Variants in ABR observed in about 807,000 individuals in gnomAD.
ABR encodes the protein active breakpoint cluster region-related protein.
Under a neutral mutation model 107.2 loss-of-function variants are expected in ABR, and 35 were observed. That is an observed-to-expected ratio of 0.33 (90% CI 0.25 to 0.43). The LOEUF (loss-of-function observed/expected upper bound fraction) is 0.43, where lower values mean the gene tolerates loss of function less well. ABR is among the 20% of genes least tolerant of loss of function. ABR has a pLI of 1.00. For missense variants in ABR, 815 were observed against 1,115.2 expected (o/e 0.73, Z 3.83); for synonymous variants, 498 against 462.0 (o/e 1.08, Z -1.00).
intron 2 of ABR, among the ~76,000 whole-genome samples, chr17:1,106,527 C>CTTTTTTTTTTTTT (rs540643214): frequency 9.7e-6 from 1 of 102,586 alleles, no homozygotes; most frequent in Non-Finnish European, 1.8e-5. Context: ...TTCTCACAGT[C>CTTTTTTTTTTTTT]TTTTTTTTTT....
chr17:1,228,427 G>A (rs979809834), intron 1 of ABR: 1 of 152,438 alleles, frequency 6.6e-6, no homozygotes, highest in African/African-American at 2.4e-5. Flanking sequence ...TGCAGAGAGG[G>A]GTGACAGACA....
intron 16 of ABR, among the ~76,000 whole-genome samples, chr17:1,034,302 G>C (rs1238063506): frequency 6.6e-6 from 1 of 152,120 alleles, no homozygotes; most frequent in Non-Finnish European, 1.5e-5. Flanking sequence ...CTGCGTGCCC[G>C]ACCCTGGGGT....
chr17:1,073,284 A>C (rs1388113046), intron 7 of ABR, among the ~76,000 whole-genome samples: 2 of 151,290 alleles, frequency 1.3e-5, no homozygotes, highest in African/African-American at 2.4e-5. Flanking sequence ...CCCAGTGTGG[A>C]GACCAGGTGG....
At chr17:1,089,221 A>C (rs1567733758) in intron 4 of ABR, among the ~76,000 whole-genome samples, 1 of 151,106 alleles carries the variant, frequency 6.6e-6, no homozygotes, top group Non-Finnish European at 1.5e-5. Context: ...CTTTGTAGAG[A>C]TAGGGTCTTG....
chr17:1,097,403 C>G (rs547895757), intron 3 of ABR, among the ~76,000 whole-genome samples: 1 of 152,090 alleles, frequency 6.6e-6, no homozygotes, highest in Non-Finnish European at 1.5e-5. Context: ...CCAGCCTGGC[C>G]AACATGGTGA....
chr17:1,031,673 C>A, intron 16 of ABR: 1 of 1,258,030 alleles, frequency 7.9e-7, no homozygotes, highest in South Asian at 2.8e-5. Flanking sequence ...TGCTCCCCGA[C>A]TCCTCCAGCG....
chr17:1,133,594 A>G (rs1298075344), intron 1 of ABR, among the ~76,000 whole-genome samples: 2 of 152,188 alleles, frequency 1.3e-5, no homozygotes, highest in African/African-American at 4.8e-5. Flanking sequence ...AAGTAAAAAC[A>G]TACGTGCATA....
rs1248222167 is a variant in ABR, at chr17:1,036,095, C to T, written c.1791+13955G>A. The stretch of plus-strand genomic sequence containing the variant: ...GCCTCAGAACCTAGAAATGCAGCTG[C>T]CGCTTTCCTGGAGTGACCTCCTTTT... On this transcript the variant is annotated intron_variant, in intron 16 of 22. Coordinates refer to ENST00000302538, the MANE Select transcript of ABR (RefSeq NM_021962.5). Among the ~76,000 whole-genome samples, 4 of 152,116 alleles carry T rather than the reference C, an allele frequency of 2.6e-5. No individual in the cohort carries two copies. The East Asian group carries it at 7.7e-4, about 29-fold the overall frequency.
chr17:1,226,573 T>C (rs556720600), intron 1 of ABR, among the ~76,000 whole-genome samples: 1 of 151,982 alleles, frequency 6.6e-6, no homozygotes, highest in East Asian at 1.9e-4. Context: ...GGTATGTGTG[T>C]GCATGCATTT....
intron 1 of ABR, among the ~76,000 whole-genome samples, chr17:1,185,961 G>A (rs532048428): frequency 1.8e-3 from 278 of 151,954 alleles, no homozygotes; most frequent in African/African-American, 6.2e-3. Context: ...TCAGCCTCCC[G>A]AGTAGCTAGG....
At chr17:1,145,724 C>A (rs1433604222) in intron 1 of ABR, among the ~76,000 whole-genome samples, 1 of 152,218 alleles carries the variant, frequency 6.6e-6, no homozygotes, top group African/African-American at 2.4e-5. Flanking sequence ...AGCAGCCCTG[C>A]AGGGTGGCAG....
chr17:1,087,323 G>A (rs867386097), intron 4 of ABR, among the ~76,000 whole-genome samples: 9 of 152,154 alleles, frequency 5.9e-5, no homozygotes, highest in Admixed American at 4.6e-4. Flanking sequence ...GGGTAGGGGT[G>A]GGGGCAGGCT....
intron 2 of ABR, among the ~76,000 whole-genome samples, chr17:1,112,657 C>T (rs995918879): frequency 8.5e-6 from 1 of 117,742 alleles, no homozygotes; most frequent in African/African-American, 3.5e-5. Context: ...GGTTAAGAAG[C>T]GCTGCTTGCT....
Position 1,050,509 on chromosome 17 carries a change from C to A in ABR, c.1659+28G>T. On this transcript the variant is annotated intron_variant, in intron 15 of 22. Transcript: ENST00000302538. The surrounding 1 kb of genome is among the most constrained non-coding windows in gnomAD (Gnocchi z 4.6). Reference sequence around the variant, plus strand: ...CACGAGCACGGGGTGGTGGGGTCCCCACAGAGATGCCAGCCCCTGCCACTC... The same window carrying A: ...CACGAGCACGGGGTGGTGGGGTCCCAACAGAGATGCCAGCCCCTGCCACTC... 1.9e-6 allele frequency: 3 copies of A among 1,603,852 alleles called. No individual in the cohort carries two copies. The highest frequency in any genetic ancestry group is 3.3e-4 in the Middle Eastern group (2 of 5,980).
chr17:1,073,447 T>C (rs2035417527), intron 7 of ABR, among the ~76,000 whole-genome samples, 178 bp downstream of exon 7: 1 of 151,886 alleles, frequency 6.6e-6, no homozygotes, highest in South Asian at 2.1e-4. Context: ...AGCCAAGCTG[T>C]ATTCAGGCCC....
intron 1 of ABR, among the ~76,000 whole-genome samples, chr17:1,161,061 T>C (rs931020665): frequency 6.6e-6 from 1 of 152,094 alleles, no homozygotes; most frequent in African/African-American, 2.4e-5. Context: ...ACACCATCCC[T>C]TCTCAGGGAT....
rs561882539 is a variant in ABR at position 1,078,988 on chromosome 17, C to A, written c.700+342G>T. 5 of 1,308,054 alleles carry A rather than the reference C, an allele frequency of 3.8e-6. No homozygotes were observed. Among genetic ancestry groups the A allele is most frequent in the Non-Finnish European group, 5.0e-6 (5 of 1,006,366 alleles). 81.0% of individuals were successfully genotyped at this position (1,308,054 alleles called of 1,614,324 possible). ...GGACTCCAGCATCGGGCAGCCGCTC[C>A]GGAGTGCTCTTCCAGCAAGGGGGAG... is the stretch of plus-strand genomic sequence containing the variant. On this transcript the variant is annotated intron_variant, in intron 6 of 22. Coordinates refer to ENST00000302538, the MANE Select transcript of ABR (RefSeq NM_021962.5). This position sits in a 1 kb window ranked among gnomAD's most constrained non-coding sequence, Gnocchi z 7.5.
chr17:1,129,979 A>C (rs758046928), intron 1 of ABR, among the ~76,000 whole-genome samples: 3 of 152,114 alleles, frequency 2.0e-5, no homozygotes, highest in Non-Finnish European at 2.9e-5. Flanking sequence ...CAAAAAAACC[A>C]AGATGGAATG....
chr17:1,113,278 ATTTT>A (rs33922708), intron 2 of ABR, among the ~76,000 whole-genome samples: 16 of 104,128 alleles, frequency 1.5e-4, no homozygotes, highest in African/African-American at 6.0e-4. Flanking sequence ...ACCTATTGCG[ATTTT>A]TTTTTTTTTT....
Sources: allele counts gnomAD v4.1 joint callset (sites outside exome capture counted in the v4.1 genomes callset), GRCh38; gene constraint gnomAD v4.1.1; non-coding constraint Gnocchi (gnomAD v3.1); transcripts MANE v1.5; gene names NCBI Gene and HGNC (gene_info 2026-07-23, HGNC 2026-07-21).